The following TBCD variants were observed in gnomAD, a reference collection of about 807,000 sequenced individuals.
The protein encoded by TBCD is tubulin-specific chaperone D.
Under a neutral mutation model 169.3 loss-of-function variants are expected in TBCD, and 105 were observed. That is an observed-to-expected ratio of 0.62 (90% CI 0.53 to 0.73). TBCD has a LOEUF of 0.73. Ranked by LOEUF, TBCD falls within the 30% of genes least tolerant of loss-of-function variation. The pLI, the probability that TBCD is intolerant of heterozygous loss-of-function variation, is 0.00. For synonymous variants in TBCD, 700 were observed against 643.9 expected, an observed-to-expected ratio of 1.09 and a Z score of -1.32; for missense variants, 1,444 against 1,600.1, an observed-to-expected ratio of 0.90 and a Z score of 1.66.
At position 82,759,968 on chromosome 17, in the gene TBCD, C is replaced by A. The variant is rs1383447898; in HGVS notation, c.235+3753C>A. On this transcript the variant is annotated intron_variant, in intron 2 of 38. Transcript: ENST00000355528. ...GTGGCGTGTTCTTGGCTTACTGCAA[C>A]CTCCGCCTCCCAGGTTCAAGAGATT... Among the ~76,000 whole-genome samples the A allele has an allele frequency of 1.5e-4, 23 of 150,572 alleles. 1 individual carries two copies.
intron 13 of TBCD, among the ~76,000 whole-genome samples, chr17:82,855,487 C>T (rs57412990): frequency 0.01 from 1,543 of 151,696 alleles, 19 homozygotes; most frequent in African/African-American, 0.035. Flanking sequence ...AGGCTGGTCA[C>T]GAACTCCTGG....
chr17:82,872,928 CGGCTTCT>C (rs2057698045), intron 14 of TBCD, among the ~76,000 whole-genome samples: 1 of 139,498 alleles, frequency 7.2e-6, no homozygotes, highest in Non-Finnish European at 1.5e-5. Flanking sequence ...TCGTGGCCGA[CGGCTTCT>C]GAGCCAGGCC....
chr17:82,761,601 A>C (rs2047757702), intron 2 of TBCD, among the ~76,000 whole-genome samples: 1 of 152,208 alleles, frequency 6.6e-6, no homozygotes, highest in Non-Finnish European at 1.5e-5. Context: ...AGAATCATTC[A>C]GTATGTGCTC....
chr17:82,891,486 C>T (rs1019138344), intron 16 of TBCD, among the ~76,000 whole-genome samples: 1 of 152,166 alleles, frequency 6.6e-6, no homozygotes, highest in African/African-American at 2.4e-5. Context: ...ATGCAAGACG[C>T]GCAGGTGCGG....
At chr17:82,892,290 A>C (rs979034839) in intron 16 of TBCD, among the ~76,000 whole-genome samples, 6 of 152,028 alleles carry the variant, frequency 3.9e-5, no homozygotes, top group African/African-American at 1.4e-4. Context: ...GTTGTACCCC[A>C]GTGGGCGACA....
chr17:82,771,198 C>T (rs568537996), intron 5 of TBCD, among the ~76,000 whole-genome samples: 38 of 151,664 alleles, frequency 2.5e-4, no homozygotes, highest in African/African-American at 7.7e-4. Flanking sequence ...TCTAGCTGGG[C>T]GTGGAGGTTT....
At chr17:82,767,674 C>T (rs541662196) in intron 4 of TBCD, among the ~76,000 whole-genome samples, 115 of 152,168 alleles carry the variant, frequency 7.6e-4, no homozygotes, top group Non-Finnish European at 9.9e-4. Flanking sequence ...CTCTTGACCT[C>T]GGCCAGGCAC....
intron 14 of TBCD, among the ~76,000 whole-genome samples, chr17:82,871,722 C>T (rs1434132622): frequency 6.6e-6 from 1 of 152,236 alleles, no homozygotes; most frequent in Non-Finnish European, 1.5e-5. Context: ...TGGGTCCCCT[C>T]TGCCCCGCAC....
At chr17:82,766,487 T>A (rs1433058180) in intron 4 of TBCD, 119 bp downstream of exon 4, 3 of 607,806 alleles carry the variant, frequency 4.9e-6, no homozygotes, top group Non-Finnish European at 8.7e-6. Context: ...CCCTTTGTTT[T>A]GTGTCACTCC....
At chr17:82,834,614 A>T (rs1005600989) in intron 13 of TBCD, among the ~76,000 whole-genome samples, 8 of 151,888 alleles carry the variant, frequency 5.3e-5, no homozygotes, top group Non-Finnish European at 1.0e-4. Context: ...AAACTAACGC[A>T]GGAAGAGAAA....
At chr17:82,851,183 A>C (rs1168796098) in intron 13 of TBCD, among the ~76,000 whole-genome samples, 2 of 152,260 alleles carry the variant, frequency 1.3e-5, no homozygotes, top group African/African-American at 4.8e-5. Flanking sequence ...TGGATACAGA[A>C]TAATAAAGGA....
intron 1 of TBCD, among the ~76,000 whole-genome samples, chr17:82,753,984 C>G (rs773311023): frequency 6.6e-6 from 1 of 150,386 alleles, no homozygotes; most frequent in African/African-American, 2.5e-5. Flanking sequence ...TCAAGTGATT[C>G]TCCTGCCTCA....
chr17:82,862,906 C>T (rs114211903), intron 13 of TBCD, among the ~76,000 whole-genome samples: 3,764 of 152,244 alleles, frequency 0.025, 177 homozygotes, highest in African/African-American at 0.086. Flanking sequence ...TGCCGGCGTG[C>T]GGGTGTGACT....
intron 17 of TBCD, among the ~76,000 whole-genome samples, chr17:82,896,462 T>G (rs1405474605): frequency 6.8e-6 from 1 of 146,454 alleles, no homozygotes; most frequent in East Asian, 2.0e-4. Flanking sequence ...AGTTTTTTTT[T>G]TTTTTTTTTT....
chr17:82,779,511 G>A (rs755039025), intron 6 of TBCD, among the ~76,000 whole-genome samples: 12 of 152,338 alleles, frequency 7.9e-5, no homozygotes, highest in Middle Eastern at 3.4e-3. Flanking sequence ...GGACAGTGGC[G>A]GAGGGGAGAG....
intron 13 of TBCD, among the ~76,000 whole-genome samples, chr17:82,818,620 C>T (rs1208611298): frequency 6.6e-6 from 1 of 152,152 alleles, no homozygotes; most frequent in South Asian, 2.1e-4. Flanking sequence ...AACACACACA[C>T]ACAAACACTG....
At chr17:82,931,764 G>A (rs540842697) in intron 33 of TBCD, among the ~76,000 whole-genome samples, 3 of 152,216 alleles carry the variant, frequency 2.0e-5, no homozygotes, top group Admixed American at 6.5e-5. Context: ...TGCTCCTGTC[G>A]CCCAGAGGGG....
Position 82,900,452 on chromosome 17 carries a change from G to C in TBCD, c.1650-199G>C, listed in dbSNP as rs565968206. On this transcript the variant is annotated intron_variant, in intron 17 of 38. Coordinates refer to ENST00000355528, the MANE Select transcript of TBCD (RefSeq NM_005993.5). ...TTCGCCGTTACACATGAAGCTGTGT[G>C]CACGTTTGTGTAAAGCCCGTGTGTG... is the stretch of plus-strand genomic sequence containing the variant. 5.5e-6 allele frequency: 3 copies of C among 548,926 alleles called. No individual in the cohort carries two copies. In the African/African-American group the frequency reaches 5.7e-5, roughly 10 times the overall value. The allele number at this position is 548,926 out of a possible 1,614,324, so 34.0% of individuals were successfully genotyped here. A position where few individuals can be genotyped will look rare whatever the true frequency, so the allele number is the denominator to read the frequency against.
In TBCD at chr17:82,832,671, G is replaced by A. The variant is rs2053620808; in HGVS notation, c.1318+17737G>A. ...AGAGCAGTCTTGGTGTCAGGACAGCGAGTGAGGGGTCGGCGAGAAGCCGGC... is the reference window on the plus strand; with the variant it reads ...AGAGCAGTCTTGGTGTCAGGACAGCAAGTGAGGGGTCGGCGAGAAGCCGGC... On this transcript the variant is annotated intron_variant, in intron 13 of 38. Transcript: ENST00000355528. This position sits in a 1 kb window ranked among gnomAD's most constrained non-coding sequence, Gnocchi z 4.9. The A allele has an allele frequency of 5.0e-6, 3 of 595,272 alleles. No homozygotes were observed. Among genetic ancestry groups the A allele is most frequent in the Admixed American group, 3.0e-5 (1 of 33,776 alleles). 36.9% of individuals were successfully genotyped at this position (595,272 alleles called of 1,614,324 possible).
Sources: gnomAD v4.1 joint callset for allele counts (sites outside exome capture counted in the v4.1 genomes callset) on GRCh38, gnomAD v4.1.1 for gene constraint, Gnocchi (gnomAD v3.1) non-coding constraint, MANE v1.5 for transcripts, NCBI Gene and HGNC (gene_info 2026-07-23, HGNC 2026-07-21) for gene names.